NYAP2: variants seen among roughly 807,000 people sequenced by gnomAD.
NYAP2 encodes the protein neuronal tyrosine-phosphorylated phosphoinositide-3-kinase adaptor 2, also known as neuronal tyrosine-phosphorylated phosphoinositide-3-kinase adapter 2.
A neutral mutation model predicts 50.4 loss-of-function variants in NYAP2; 23 were observed. That is an observed-to-expected ratio of 0.46 (90% CI 0.33 to 0.65). The LOEUF (loss-of-function observed/expected upper bound fraction) is 0.65, where lower values mean the gene tolerates loss of function less well. Among genes scored for constraint, NYAP2 ranks in the 30% least tolerant of loss-of-function variants. The pLI is 0.02. For synonymous variants in NYAP2, 394 were observed against 365.2 expected (o/e 1.08, Z -0.90); for missense variants, 885 against 861.0 (o/e 1.03, Z -0.35).
At chr2:225,398,753 C>G (rs748933308), upstream of NYAP2, among the ~76,000 whole-genome samples, 11 of 151,952 alleles carry the variant, frequency 7.2e-5, no homozygotes, top group Non-Finnish European at 1.5e-4. Context: ...CTTGCAGAAT[C>G]CTTCTTAAAA....
downstream of NYAP2, among the ~76,000 whole-genome samples, chr2:225,657,832 G>A (rs1249558635): frequency 6.6e-6 from 1 of 152,098 alleles, no homozygotes; most frequent in Non-Finnish European, 1.5e-5. Context: ...TTGAGACTAA[G>A]GTTTTACAGT....
chr2:225,469,538 A>G (rs1458108978), intron 3 of NYAP2, among the ~76,000 whole-genome samples: 1 of 152,176 alleles, frequency 6.6e-6, no homozygotes, highest in Non-Finnish European at 1.5e-5. Context: ...TCTACTATAA[A>G]GACACATGCA....
intron 4 of NYAP2, among the ~76,000 whole-genome samples, chr2:225,529,013 T>C (rs952671512): frequency 1.3e-5 from 2 of 152,238 alleles, no homozygotes; most frequent in Non-Finnish European, 2.9e-5. Flanking sequence ...TCTGTTTTTG[T>C]CTGGCCTCAA....
At chr2:225,473,565 A>T (rs1221174403) in intron 3 of NYAP2, among the ~76,000 whole-genome samples, 1 of 152,228 alleles carries the variant, frequency 6.6e-6, no homozygotes, top group South Asian at 2.1e-4. Context: ...GCCAGTGATG[A>T]TGAACCTTTT....
intron 3 of NYAP2, among the ~76,000 whole-genome samples, chr2:225,481,924 A>G (rs1350756007): frequency 1.3e-5 from 2 of 152,114 alleles, no homozygotes; most frequent in Non-Finnish European, 2.9e-5. Context: ...AGACATCAAT[A>G]ACAACAACAA....
chr2:225,621,392 T>C (rs1693100987), intron 5 of NYAP2, among the ~76,000 whole-genome samples: 1 of 152,184 alleles, frequency 6.6e-6, no homozygotes, highest in Non-Finnish European at 1.5e-5. Context: ...CAAATACTAT[T>C]TGATTCCACT....
At chr2:225,479,445 G>T (rs1220862180) in intron 3 of NYAP2, among the ~76,000 whole-genome samples, 1 of 152,130 alleles carries the variant, frequency 6.6e-6, no homozygotes, top group Non-Finnish European at 1.5e-5. Context: ...TAGATGATTT[G>T]AACCATCCTA....
chr2:225,398,833 G>A (rs932639755), upstream of NYAP2, among the ~76,000 whole-genome samples: 6 of 152,136 alleles, frequency 3.9e-5, no homozygotes, highest in East Asian at 1.9e-4. Context: ...TGAGCTTCAG[G>A]AATGCACTTC....
chr2:225,432,917 C>A lies in NYAP2; in HGVS notation c.221+23816C>A, dbSNP rs142633531. ...AGTAGGGGGAAGGGGAGGCAGGTTC[C>A]TTTATTCTGCAGTATGATCAAAAAT... On this transcript the variant is annotated intron_variant, in intron 3 of 6. Transcript: ENST00000636099. 1.1e-3 allele frequency among the ~76,000 whole-genome samples: 171 copies of A among 152,204 alleles called. 1 individual carries two copies. Among genetic ancestry groups the A allele is most frequent in the African/African-American group, 4.0e-3 (166 of 41,534 alleles).
the NYAP2 span, among the ~76,000 whole-genome samples, chr2:225,663,977 A>C: frequency 6.6e-6 from 1 of 152,064 alleles, no homozygotes; most frequent in Non-Finnish European, 1.5e-5. Flanking sequence ...CAAGTCTGGG[A>C]TCAAGTGTGC....
chr2:225,426,151 TA>T (rs1175015453), intron 3 of NYAP2, among the ~76,000 whole-genome samples: 374 of 126,962 alleles, frequency 2.9e-3, no homozygotes, highest in African/African-American at 8.4e-3. Context: ...TTTTTTTTTT[TA>T]AAAATTCTAC....
intron 4 of NYAP2, among the ~76,000 whole-genome samples, chr2:225,572,399 T>C (rs1218338608): frequency 6.6e-6 from 1 of 152,206 alleles, no homozygotes; most frequent in East Asian, 1.9e-4. Context: ...CTGGGAGGCC[T>C]CAGGAAACTT....
At chr2:225,655,471 T>C (rs1693806147), downstream of NYAP2, among the ~76,000 whole-genome samples, 1 of 152,202 alleles carries the variant, frequency 6.6e-6, no homozygotes, top group African/African-American at 2.4e-5. Flanking sequence ...GTTAACTTAT[T>C]TTCTTAGTTA....
At chr2:225,513,496 T>C in exon 4 of NYAP2, 1 of 1,613,934 alleles carries the variant, frequency 6.2e-7, no homozygotes, top group South Asian at 1.1e-5. Flanking sequence ...GGCTTTTCTG[T>C]GAGATCACAG....
intron 6 of NYAP2, among the ~76,000 whole-genome samples, chr2:225,640,366 A>C (rs1693505857): frequency 6.6e-6 from 1 of 152,176 alleles, no homozygotes; most frequent in Admixed American, 6.5e-5. Context: ...AAAATCAGCA[A>C]CATTATGTAT....
intron 4 of NYAP2, among the ~76,000 whole-genome samples, chr2:225,577,689 C>T (rs1441259362): frequency 6.6e-6 from 1 of 151,932 alleles, no homozygotes; most frequent in Admixed American, 6.6e-5. Context: ...TTATTGGAAA[C>T]AAATTTGTTT....
chr2:225,526,787 T>G (rs575642368), intron 4 of NYAP2, among the ~76,000 whole-genome samples: 5 of 152,298 alleles, frequency 3.3e-5, no homozygotes, highest in African/African-American at 1.2e-4. Flanking sequence ...ATCTCCATTG[T>G]TTTTTGCATT....
chr2:225,549,113 T>G (rs1008927580), intron 4 of NYAP2, among the ~76,000 whole-genome samples: 1 of 152,176 alleles, frequency 6.6e-6, no homozygotes, highest in African/African-American at 2.4e-5. Flanking sequence ...ACTCCTGGCC[T>G]CAAGTGATCC....
chr2:225,557,060 A>G (rs536443789), intron 4 of NYAP2, among the ~76,000 whole-genome samples: 10 of 152,178 alleles, frequency 6.6e-5, no homozygotes, highest in Non-Finnish European at 1.3e-4. Context: ...AAACACACAT[A>G]TCTAAATTTT....
Sources: gnomAD v4.1 joint callset for allele counts (sites outside exome capture counted in the v4.1 genomes callset) on GRCh38, gnomAD v4.1.1 for gene constraint, MANE v1.5 for transcripts, NCBI Gene and HGNC (gene_info 2026-07-23, HGNC 2026-07-21) for gene names.